Variants in IGF2BP2 observed in about 807,000 individuals in gnomAD.
The protein encoded by IGF2BP2 is insulin-like growth factor 2 mRNA-binding protein 2.
Under a neutral mutation model 75.8 loss-of-function variants are expected in IGF2BP2, and 17 were observed. The observed-to-expected ratio is 0.22, with a 90% confidence interval of 0.15 to 0.34. The LOEUF (loss-of-function observed/expected upper bound fraction) is 0.34, where lower values mean the gene tolerates loss of function less well. Among genes scored for constraint, IGF2BP2 ranks in the 10% least tolerant of loss-of-function variants. IGF2BP2 has a pLI of 1.00. For synonymous variants in IGF2BP2, 288 were observed against 295.6 expected (o/e 0.97, Z 0.26); for missense variants, 516 against 772.4 (o/e 0.67, Z 3.93).
chr3:185,686,578 A>G (rs1721165641), intron 7 of IGF2BP2, among the ~76,000 whole-genome samples: 1 of 152,196 alleles, frequency 6.6e-6, no homozygotes, highest in South Asian at 2.1e-4. Flanking sequence ...AGCTTTGGTG[A>G]CAACATACTT....
chr3:185,715,503 T>C (rs1026636253), intron 2 of IGF2BP2, among the ~76,000 whole-genome samples: 1 of 152,178 alleles, frequency 6.6e-6, no homozygotes, highest in Non-Finnish European at 1.5e-5. Flanking sequence ...ATTTTCTTCT[T>C]ATTGACTTTT....
chr3:185,793,410 A>C (rs879286214), intron 2 of IGF2BP2, among the ~76,000 whole-genome samples: 20 of 152,038 alleles, frequency 1.3e-4, no homozygotes, highest in Admixed American at 6.6e-5. Context: ...TCTACTTTTC[A>C]CGCCAAGCTG....
intron 2 of IGF2BP2, among the ~76,000 whole-genome samples, chr3:185,800,045 T>G (rs373701281): frequency 6.6e-6 from 1 of 152,102 alleles, no homozygotes; most frequent in East Asian, 1.9e-4. Context: ...CCATCAATGA[T>G]AGACTGGATT....
intron 2 of IGF2BP2, among the ~76,000 whole-genome samples, chr3:185,699,049 A>G (rs1722950326): frequency 6.6e-6 from 1 of 152,168 alleles, no homozygotes; most frequent in South Asian, 2.1e-4. Context: ...TCCTGACCTC[A>G]AGTGATCCGC....
intron 2 of IGF2BP2, among the ~76,000 whole-genome samples, chr3:185,725,375 C>T (rs1225528127): frequency 1.3e-5 from 2 of 152,124 alleles, no homozygotes; most frequent in African/African-American, 2.4e-5. Flanking sequence ...CTGAGGTTGT[C>T]GGCAGGGGAC....
At chr3:185,706,387 G>A (rs1190029172) in intron 2 of IGF2BP2, among the ~76,000 whole-genome samples, 2 of 152,126 alleles carry the variant, frequency 1.3e-5, no homozygotes, top group Non-Finnish European at 2.9e-5. Flanking sequence ...GGGCAACCGA[G>A]TACCGAGTGA....
chr3:185,789,853 C>T (rs889835857), intron 2 of IGF2BP2, among the ~76,000 whole-genome samples: 2 of 151,818 alleles, frequency 1.3e-5, no homozygotes, highest in African/African-American at 4.8e-5. Flanking sequence ...CCTGCCTCAG[C>T]CTCCCAAGTA....
At position 185,730,970 on chromosome 3, in the gene IGF2BP2, T is replaced by C. The variant is rs375033231; in HGVS notation, c.240-32623A>G. On this transcript the variant is annotated intron_variant, in intron 2 of 15. Coordinates refer to ENST00000382199, the MANE Select transcript of IGF2BP2 (RefSeq NM_006548.6). The stretch of plus-strand genomic sequence containing the variant: ...GTGGTTTTAATTCACATTTCTCTGA[T>C]GGTTAGTAATGTTTAGTATTCAGAA... Among the ~76,000 whole-genome samples the C allele has an allele frequency of 3.7e-4, 56 of 152,332 alleles. No homozygotes were observed. The South Asian group carries it at 0.011, about 30-fold the overall frequency.
In IGF2BP2 at chr3:185,782,439, C is replaced by T. The variant is rs555134148; in HGVS notation, c.239+40714G>A. On this transcript the variant is annotated intron_variant, in intron 2 of 15. Transcript: ENST00000382199. ...GTGTTTGCTTCAAATAGTCTTGAAA[C>T]GTTTCACCGACTATCTCTGCTTGGA... Among the ~76,000 whole-genome samples the T allele has an allele frequency of 7.9e-5, 12 of 152,114 alleles. 1 individual carries two copies. Among genetic ancestry groups the T allele is most frequent in the East Asian group, 7.7e-4 (4 of 5,166 alleles).
At chr3:185,740,916 C>T (rs1490479643) in intron 2 of IGF2BP2, among the ~76,000 whole-genome samples, 5 of 152,290 alleles carry the variant, frequency 3.3e-5, no homozygotes, top group African/African-American at 1.2e-4. Context: ...CTCGCTCTGT[C>T]GCCCAGGCTG....
At chr3:185,704,642 G>A (rs972903161) in intron 2 of IGF2BP2, among the ~76,000 whole-genome samples, 27 of 152,252 alleles carry the variant, frequency 1.8e-4, no homozygotes, top group African/African-American at 5.5e-4. Context: ...TAGAGATGGG[G>A]TTTTGACATA....
intron 2 of IGF2BP2, among the ~76,000 whole-genome samples, chr3:185,706,404 C>T (rs960021632): frequency 3.9e-5 from 6 of 152,138 alleles, no homozygotes; most frequent in Middle Eastern, 6.8e-3. Context: ...GTGAGACCCT[C>T]TCTCTCTAGC....
chr3:185,820,271 CACAT>C (rs1741202921), intron 2 of IGF2BP2, among the ~76,000 whole-genome samples: 2 of 147,380 alleles, frequency 1.4e-5, no homozygotes, highest in South Asian at 4.4e-4. Flanking sequence ...CACACACACA[CACAT>C]AATTTTTAAG....
intron 2 of IGF2BP2, among the ~76,000 whole-genome samples, chr3:185,791,119 C>T (rs1409325574): frequency 1.3e-5 from 2 of 152,256 alleles, no homozygotes; most frequent in Admixed American, 1.3e-4. Flanking sequence ...ATTCTCCCAC[C>T]AGGCTGTCTA....
chr3:185,762,366 T>TAAAA (rs529395141), intron 2 of IGF2BP2, among the ~76,000 whole-genome samples: 1,444 of 105,406 alleles, frequency 0.014, 32 homozygotes, highest in African/African-American at 0.038. Context: ...AGGCTTTACT[T>TAAAA]AAAAAAAAAA....
In IGF2BP2 at chr3:185,643,801, T is replaced by G. The variant is rs146948292; in HGVS notation, c.*1730A>C. ...TTTCTTTTTTTTTTTTTTTTTTTTGTCACAGAACACTGTTTGCAGTAGAGG... is the reference window on the plus strand; with the variant it reads ...TTTCTTTTTTTTTTTTTTTTTTTTGGCACAGAACACTGTTTGCAGTAGAGG... On this transcript the variant is annotated 3_prime_UTR_variant, in exon 16 of 16. Transcript: ENST00000382199. The G allele has an allele frequency of 7.1e-6, 1 of 140,844 alleles. No individual in the cohort carries two copies. Among genetic ancestry groups the G allele is most frequent in the Non-Finnish European group, 1.5e-5 (1 of 65,120 alleles). 8.7% of individuals were successfully genotyped at this position (140,844 alleles called of 1,614,324 possible).
chr3:185,778,954 C>T (rs1361008352), intron 2 of IGF2BP2, among the ~76,000 whole-genome samples: 1 of 152,154 alleles, frequency 6.6e-6, no homozygotes, highest in Non-Finnish European at 1.5e-5. Context: ...CTCTAAAGTG[C>T]CTCCAGAGCT....
intron 10 of IGF2BP2, among the ~76,000 whole-genome samples, chr3:185,665,374 AAGG>A (rs1246928288): frequency 1.9e-3 from 108 of 57,090 alleles, no homozygotes; most frequent in African/African-American, 7.0e-3. Flanking sequence ...GGAGGAGGAG[AAGG>A]AGGAGGAGGA....
intron 2 of IGF2BP2, among the ~76,000 whole-genome samples, chr3:185,783,218 T>C (rs1198753108): frequency 2.6e-5 from 4 of 152,194 alleles, no homozygotes; most frequent in East Asian, 1.9e-4. Flanking sequence ...AAAGTAAATG[T>C]GCCCCTCACC....
Sources: gnomAD v4.1 joint callset for allele counts (sites outside exome capture counted in the v4.1 genomes callset) on GRCh38, gnomAD v4.1.1 for gene constraint, MANE v1.5 for transcripts, NCBI Gene and HGNC (gene_info 2026-07-23, HGNC 2026-07-21) for gene names.